PCP4: variants seen among roughly 807,000 people sequenced by gnomAD.
PCP4 encodes calmodulin regulator protein PCP4.
PCP4 carries 8 observed loss-of-function variants against 10.0 expected under a neutral mutation model. The observed-to-expected ratio is 0.80, with a 90% CI of 0.47 to 1.45. PCP4 has a LOEUF of 1.45. PCP4 is among the 40% of genes most tolerant of loss of function. The pLI is 0.00. For synonymous variants in PCP4, 21 were observed against 23.0 expected (o/e 0.91, Z 0.24); for missense variants, 54 against 74.4 (o/e 0.73, Z 1.01).
chr21:39,891,101 C>T (rs936044225), intron 1 of PCP4, among the ~76,000 whole-genome samples: 5 of 152,136 alleles, frequency 3.3e-5, no homozygotes, highest in African/African-American at 9.7e-5. Context: ...CAACTATTCA[C>T]GTGGAACTTG....
At chr21:39,924,826 C>T (rs1017732448) in intron 2 of PCP4, among the ~76,000 whole-genome samples, 1 of 152,242 alleles carries the variant, frequency 6.6e-6, no homozygotes, top group African/African-American at 2.4e-5. Flanking sequence ...TGAGCCACCA[C>T]ACCTGGCCCC....
At chr21:39,879,050 C>T (rs1007097667) in intron 1 of PCP4, among the ~76,000 whole-genome samples, 5 of 150,186 alleles carry the variant, frequency 3.3e-5, no homozygotes, top group Admixed American at 6.7e-5. Flanking sequence ...AGTGCAATGG[C>T]GCTATCTTAG....
chr21:39,924,907 C>T (rs1350419722), intron 2 of PCP4, among the ~76,000 whole-genome samples: 30 of 152,170 alleles, frequency 2.0e-4, no homozygotes, highest in East Asian at 3.9e-4. Context: ...CTTAGAAACC[C>T]GCCTGGAGCT....
intron 1 of PCP4, among the ~76,000 whole-genome samples, chr21:39,883,974 G>GAGGTGGGTATA (rs1568851665): frequency 6.6e-6 from 1 of 151,868 alleles, no homozygotes; most frequent in East Asian, 1.9e-4. Context: ...TTATTCTCAT[G>GAGGTGGGTATA]TAATAAAAAC....
chr21:39,883,231 G>A (rs758853767), intron 1 of PCP4, among the ~76,000 whole-genome samples: 6 of 152,184 alleles, frequency 3.9e-5, no homozygotes, highest in Admixed American at 1.3e-4. Flanking sequence ...GGGTGGCTTG[G>A]TGGGGTTGGG....
At chr21:39,875,158 C>T (rs535547946) in intron 1 of PCP4, among the ~76,000 whole-genome samples, 8 of 151,918 alleles carry the variant, frequency 5.3e-5, no homozygotes, top group African/African-American at 1.9e-4. Context: ...GCCACTGTTT[C>T]GTTAGGAGTT....
intron 1 of PCP4, among the ~76,000 whole-genome samples, chr21:39,883,931 T>C (rs1340808910): frequency 6.6e-6 from 1 of 152,238 alleles, no homozygotes; most frequent in East Asian, 1.9e-4. Flanking sequence ...TTATCTCATT[T>C]AGTTCTCACA....
chr21:39,890,277 G>A (rs916649248), intron 1 of PCP4, among the ~76,000 whole-genome samples: 157 of 152,278 alleles, frequency 1.0e-3, no homozygotes, highest in African/African-American at 3.6e-3. Flanking sequence ...GAGTTGGATT[G>A]AGCCACACTG....
chr21:39,912,016 C>T lies in PCP4; in HGVS notation c.61+13489C>T, dbSNP rs138407865. 2.6e-5 allele frequency among the ~76,000 whole-genome samples: 4 copies of T among 152,352 alleles called. No homozygotes were observed. The East Asian group carries it at 7.7e-4, about 29-fold the overall frequency. ...TATGACTCCCTGTTGTGTATTTCCT[C>T]AGTTCAGCTTAAAATGACTTTAGCA... On this transcript the variant is annotated intron_variant, in intron 2 of 2. Transcript: ENST00000328619.
chr21:39,871,172 C>T (rs1179264359), intron 1 of PCP4, among the ~76,000 whole-genome samples: 2 of 152,156 alleles, frequency 1.3e-5, no homozygotes, highest in African/African-American at 4.8e-5. Flanking sequence ...ATAGAAAAAA[C>T]ATGAATTAAA....
intron 2 of PCP4, among the ~76,000 whole-genome samples, chr21:39,899,555 C>T (rs1452987176): frequency 6.6e-6 from 1 of 152,128 alleles, no homozygotes; most frequent in African/African-American, 2.4e-5. Context: ...ATATGCCCAC[C>T]CATTTAGGGC....
chr21:39,893,183 G>A (rs150766049), intron 1 of PCP4, among the ~76,000 whole-genome samples: 5 of 152,206 alleles, frequency 3.3e-5, no homozygotes, highest in East Asian at 1.9e-4. Context: ...TAGTGCAACC[G>A]ACATCTGCCT....
chr21:39,897,213 C>A (rs931145706), intron 1 of PCP4, among the ~76,000 whole-genome samples: 1 of 151,892 alleles, frequency 6.6e-6, no homozygotes, highest in Admixed American at 6.6e-5. Flanking sequence ...CATGGTGAAA[C>A]CCCATCTCTA....
At chr21:39,901,731 T>A (rs1287439770) in intron 2 of PCP4, among the ~76,000 whole-genome samples, 1 of 152,220 alleles carries the variant, frequency 6.6e-6, no homozygotes, top group African/African-American at 2.4e-5. Flanking sequence ...TTTGAGATTA[T>A]TTTACAGTTA....
intron 1 of PCP4, among the ~76,000 whole-genome samples, chr21:39,888,226 C>T (rs554485143): frequency 4.6e-5 from 7 of 152,318 alleles, no homozygotes; most frequent in African/African-American, 1.7e-4. Flanking sequence ...ACCATGAGAA[C>T]GAGATGGATT....
At chr21:39,874,537 G>T (rs1056071235) in intron 1 of PCP4, among the ~76,000 whole-genome samples, 2 of 151,768 alleles carry the variant, frequency 1.3e-5, no homozygotes, top group African/African-American at 4.8e-5. Flanking sequence ...TCTGAGAAAA[G>T]GACTCCAGAA....
chr21:39,882,126 A>G (rs1263093777), intron 1 of PCP4, among the ~76,000 whole-genome samples: 4 of 152,258 alleles, frequency 2.6e-5, no homozygotes, highest in Non-Finnish European at 5.9e-5. Flanking sequence ...AAAGGAAAAC[A>G]TCTTTGCCGA....
intron 2 of PCP4, among the ~76,000 whole-genome samples, chr21:39,916,458 T>A (rs1027960125): frequency 5.3e-5 from 8 of 152,228 alleles, no homozygotes; most frequent in Non-Finnish European, 7.3e-5. Flanking sequence ...AGACCTTTAA[T>A]AATTTCTGGC....
intron 1 of PCP4, among the ~76,000 whole-genome samples, chr21:39,884,804 G>C (rs948845282): frequency 1.3e-5 from 2 of 151,198 alleles, no homozygotes. Flanking sequence ...CTTAAAAAGA[G>C]AGAGAGAGAG....
Sources: allele counts gnomAD v4.1 joint callset (sites outside exome capture counted in the v4.1 genomes callset), GRCh38; gene constraint gnomAD v4.1.1; transcripts MANE v1.5; gene names NCBI Gene and HGNC (gene_info 2026-07-23, HGNC 2026-07-21).